MGMT: variants seen among roughly 807,000 people sequenced by gnomAD.
MGMT encodes O-6-methylguanine-DNA methyltransferase.
A neutral mutation model predicts 15.9 loss-of-function variants in MGMT; 14 were observed. That is an observed-to-expected ratio of 0.88 (90% confidence interval 0.58 to 1.37). The LOEUF is 1.37. Ranked by LOEUF, MGMT falls within the 40% of genes most tolerant of loss-of-function variation. The pLI is 0.00. For missense variants in MGMT, 282 were observed against 268.1 expected (o/e 1.05, Z -0.36); for synonymous variants, 130 against 118.2 (o/e 1.10, Z -0.65).
intron 2 of MGMT, among the ~76,000 whole-genome samples, chr10:129,677,431 C>T (rs759162737): frequency 3.3e-5 from 5 of 152,188 alleles, no homozygotes; most frequent in Non-Finnish European, 7.3e-5. Flanking sequence ...TTCATCTCTG[C>T]CCTGTAGAGA....
At chr10:129,572,541 G>T (rs1846432732) in intron 2 of MGMT, among the ~76,000 whole-genome samples, 1 of 152,160 alleles carries the variant, frequency 6.6e-6, no homozygotes, top group Admixed American at 6.5e-5. Flanking sequence ...CTCGGAGCTT[G>T]ATATCTTTCC....
intron 2 of MGMT, among the ~76,000 whole-genome samples, chr10:129,601,734 C>T (rs1846823921): frequency 6.6e-6 from 1 of 152,162 alleles, no homozygotes; most frequent in South Asian, 2.1e-4. Context: ...AACCAAAGTC[C>T]TTGGGGAGAC....
intron 2 of MGMT, among the ~76,000 whole-genome samples, chr10:129,687,198 A>C (rs2133124658): frequency 6.7e-6 from 1 of 150,074 alleles, no homozygotes; most frequent in African/African-American, 2.5e-5. Context: ...TCCATTTGGA[A>C]TTTTTCTTTT....
chr10:129,523,252 G>A (rs2388332), intron 1 of MGMT, among the ~76,000 whole-genome samples: 104,600 of 152,144 alleles, frequency 0.69, 37,313 homozygotes, highest in Middle Eastern at 0.81. Context: ...GCCCTGTGGG[G>A]TGAGCGCCAT....
At chr10:129,517,772 C>T (rs1845755332) in intron 1 of MGMT, among the ~76,000 whole-genome samples, 1 of 110,394 alleles carries the variant, frequency 9.1e-6, no homozygotes, top group African/African-American at 5.6e-5. Flanking sequence ...CACACCCTGA[C>T]TCCAAACCCT....
chr10:129,655,197 C>T (rs1264380220), intron 2 of MGMT, among the ~76,000 whole-genome samples: 2 of 152,188 alleles, frequency 1.3e-5, no homozygotes, highest in African/African-American at 2.4e-5. Flanking sequence ...GGGGGCCCCG[C>T]GGAGGGCCTG....
intron 2 of MGMT, among the ~76,000 whole-genome samples, chr10:129,662,117 G>A (rs1847604565): frequency 6.6e-6 from 1 of 152,134 alleles, no homozygotes; most frequent in Non-Finnish European, 1.5e-5. Flanking sequence ...ATAAGAATGG[G>A]GGTGGGGACA....
chr10:129,677,652 C>T (rs1230199993), intron 2 of MGMT, among the ~76,000 whole-genome samples: 5 of 152,260 alleles, frequency 3.3e-5, no homozygotes, highest in South Asian at 2.1e-4. Context: ...CCTGCCTCCT[C>T]GTCCCTGCTC....
intron 3 of MGMT, among the ~76,000 whole-genome samples, chr10:129,709,100 C>T (rs1160179936): frequency 6.6e-6 from 1 of 152,240 alleles, no homozygotes; most frequent in Non-Finnish European, 1.5e-5. Context: ...CCTTGCTGTC[C>T]TCTGAATCAT....
In MGMT at chr10:129,502,050, T is replaced by C. The variant is rs376885449; in HGVS notation, c.-12-34191T>C. 3.5e-3 allele frequency among the ~76,000 whole-genome samples: 533 copies of C among 152,336 alleles called. 1 individual carries two copies. The highest frequency in any genetic ancestry group is 0.012 in the African/African-American group (508 of 41,584). On this transcript the variant is annotated intron_variant, in intron 1 of 4. Coordinates refer to ENST00000651593, the MANE Select transcript of MGMT (RefSeq NM_002412.5). ...GCCTGTGGCATCAAGCTTGCATGAATCAAGGCCGCTGCTGGGGCTAGCCCA... is the reference window on the plus strand; with the variant it reads ...GCCTGTGGCATCAAGCTTGCATGAACCAAGGCCGCTGCTGGGGCTAGCCCA...
chr10:129,726,899 G>A (rs555850437), intron 3 of MGMT, among the ~76,000 whole-genome samples: 3 of 152,282 alleles, frequency 2.0e-5, no homozygotes, highest in South Asian at 4.1e-4. Flanking sequence ...AAGTCCATCT[G>A]CCCAGCTTTT....
At position 129,707,911 on chromosome 10, in the gene MGMT, GC is replaced by G; in HGVS notation, c.147del (p.Ala50LeufsTer10). The part of the protein sequence containing the change: ...TSAADAVEVP[A>X]PAAVLGGPEP... Reference sequence around the variant, plus strand: ...CTTTTGCAGTGCCGTGGAGGTCCCAGCCCCCGCTGCGGTTCTCGGAGGTCCG... The same window carrying G: ...CTTTTGCAGTGCCGTGGAGGTCCCAGCCCCGCTGCGGTTCTCGGAGGTCCG... On this transcript the variant is annotated frameshift_variant, in exon 3 of 5. Coordinates refer to ENST00000651593, the MANE Select transcript of MGMT (RefSeq NM_002412.5). LOFTEE classifies it high-confidence loss of function. 1 of 1,611,756 alleles carries G rather than the reference GC, an allele frequency of 6.2e-7. No individual in the cohort carries two copies.
At chr10:129,472,226 G>T (rs976578277) in intron 1 of MGMT, among the ~76,000 whole-genome samples, 1 of 152,138 alleles carries the variant, frequency 6.6e-6, no homozygotes, top group African/African-American at 2.4e-5. Flanking sequence ...GTGTGTGGGA[G>T]TGATGCTGTT....
intron 4 of MGMT, among the ~76,000 whole-genome samples, chr10:129,766,184 G>T (rs971827149): frequency 6.6e-6 from 1 of 152,218 alleles, no homozygotes; most frequent in Non-Finnish European, 1.5e-5. Context: ...AAGTCCTCCT[G>T]TCAAGGGCCA....
intron 2 of MGMT, among the ~76,000 whole-genome samples, chr10:129,616,287 C>T (rs879492501): frequency 8.5e-5 from 13 of 152,190 alleles, no homozygotes; most frequent in African/African-American, 1.2e-4. Context: ...AGGGGAGCTG[C>T]GATGCTCATC....
At chr10:129,547,936 G>T (rs529469176) in intron 2 of MGMT, among the ~76,000 whole-genome samples, 4 of 152,350 alleles carry the variant, frequency 2.6e-5, no homozygotes, top group South Asian at 4.1e-4. Flanking sequence ...CCAAGAAGCT[G>T]ATGTGTCGTC....
intron 4 of MGMT, among the ~76,000 whole-genome samples, chr10:129,766,439 G>A (rs185219727): frequency 6.6e-6 from 1 of 152,196 alleles, no homozygotes; most frequent in Admixed American, 6.5e-5. Context: ...ACTCGGAAAC[G>A]TAGTTTTCAG....
At chr10:129,620,719 T>A (rs1393637779) in intron 2 of MGMT, among the ~76,000 whole-genome samples, 1 of 152,232 alleles carries the variant, frequency 6.6e-6, no homozygotes, top group Non-Finnish European at 1.5e-5. Context: ...ATATTTATAG[T>A]GTGTTTCTTG....
chr10:129,472,463 C>T (rs570191225), intron 1 of MGMT, among the ~76,000 whole-genome samples: 13 of 152,244 alleles, frequency 8.5e-5, no homozygotes, highest in East Asian at 7.7e-4. Context: ...AGAACCATTT[C>T]GAGCCCTCGT....
Sources: gnomAD v4.1 joint callset for allele counts (sites outside exome capture counted in the v4.1 genomes callset) on GRCh38, gnomAD v4.1.1 for gene constraint, MANE v1.5 for transcripts, NCBI Gene and HGNC (gene_info 2026-07-23, HGNC 2026-07-21) for gene names.